Variants in USH2A observed in about 807,000 individuals in gnomAD.
The protein encoded by USH2A is usherin.
In USH2A, 443 loss-of-function variants were observed where a neutral mutation model predicts 538.9. That is an observed-to-expected ratio of 0.82 (90% CI 0.76 to 0.89). The LOEUF (loss-of-function observed/expected upper bound fraction) is 0.89, where lower values mean the gene tolerates loss of function less well. USH2A is among the 40% of genes least tolerant of loss of function. USH2A has a pLI of 0.00. For missense variants in USH2A, 6,633 were observed against 6,324.8 expected (o/e 1.05, Z -1.65); for synonymous variants, 2,413 against 2,273.5 (o/e 1.06, Z -1.75).
At position 215,680,175 on chromosome 1, in the gene USH2A, G is replaced by C; in HGVS notation, c.12268C>G (p.Pro4090Ala). The C allele has an allele frequency of 1.2e-6, 2 of 1,614,094 alleles. No homozygotes were observed. Among genetic ancestry groups the C allele is most frequent in the Non-Finnish European group, 1.7e-6 (2 of 1,179,992 alleles). Reference sequence around the variant, plus strand: ...TTAATCACACCATTGGTTCTCATAGGTTCTGACCACTGTAGTAGCAATGCC... The same window carrying C: ...TTAATCACACCATTGGTTCTCATAGCTTCTGACCACTGTAGTAGCAATGCC... ...GRALLLQWSE[P>A]MRTNGVIKTY... Residue 4090 changes from proline to alanine, a missense_variant, in exon 62 of 72, where the codon CCT (proline) becomes GCT (alanine). By Grantham distance (27) the Pro-to-Ala change is conservative (BLOSUM62 -1). Transcript: ENST00000307340.
intron 15 of USH2A, among the ~76,000 whole-genome samples, chr1:216,216,833 T>C (rs2035351425): frequency 6.6e-6 from 1 of 151,960 alleles, no homozygotes; most frequent in African/African-American, 2.4e-5. Context: ...AAACTTAAAG[T>C]AGAAAGAAAC....
At chr1:215,970,845 G>A (rs1667479186) in intron 35 of USH2A, 69 bp from the exon 36 acceptor site, 7 of 1,473,848 alleles carry the variant, frequency 4.7e-6, no homozygotes, top group Non-Finnish European at 2.8e-6. Flanking sequence ...AAGAAAGCAA[G>A]CACTCTTGAT....
chr1:215,912,503 ATATATATACG>A lies in USH2A; in HGVS notation c.7301-11608_7301-11599del, dbSNP rs1665830263. On this transcript the variant is annotated intron_variant, in intron 38 of 71. Transcript: ENST00000307340. ...TATATATATATATGTGTATATATAT[ATATATATACG>A]TGTATATATATATATATATATATGA... 8.2e-3 allele frequency among the ~76,000 whole-genome samples: 193 copies of A among 23,496 alleles called. 1 individual carries two copies. Among genetic ancestry groups the A allele is most frequent in the African/African-American group, 0.029 (189 of 6,432 alleles). The allele number at this position is 23,496 out of a possible 152,430, so 15.4% of individuals were successfully genotyped here.
chr1:216,296,038 A>C (rs560362518), intron 9 of USH2A, among the ~76,000 whole-genome samples: 33 of 152,172 alleles, frequency 2.2e-4, no homozygotes, highest in African/African-American at 7.5e-4. Flanking sequence ...ATAAAACATA[A>C]GAATGTAGTT....
In USH2A at chr1:215,779,799, G is replaced by A. The variant is rs56147129; in HGVS notation, c.10939+44C>T. 8,902 of 1,606,380 alleles carry A rather than the reference G, an allele frequency of 5.5e-3. 31 individuals are homozygous for A. Among genetic ancestry groups the A allele is most frequent in the Non-Finnish European group, 6.7e-3 (7,871 of 1,178,630 alleles). On this transcript the variant is annotated intron_variant, in intron 55 of 71. Transcript: ENST00000307340. ...GATGCTTTGCCCCCCTAACCACAAT[G>A]ACAGACTCCTCCAGTAGGATTTCCT...
intron 21 of USH2A, among the ~76,000 whole-genome samples, chr1:216,101,100 G>T (rs2032567470): frequency 6.6e-6 from 1 of 152,012 alleles, no homozygotes; most frequent in Non-Finnish European, 1.5e-5. Context: ...TGTCTTTTGT[G>T]CAAAATCTAT....
chr1:216,409,372 G>GA (rs1231310912), intron 3 of USH2A, among the ~76,000 whole-genome samples: 1 of 151,742 alleles, frequency 6.6e-6, no homozygotes, highest in Admixed American at 6.6e-5. Flanking sequence ...GGAATAACTA[G>GA]AAAAAAACTT....
chr1:215,998,978 A>T lies in USH2A; in HGVS notation c.6566T>A (p.Ile2189Asn). ...YMSNHTHDFT[I>N]WSVIYNSTEL... Reference sequence around the variant, plus strand: ...TGTACTGTTATAGATGACACTCCAAATTGTAAAATCATGTGTATGGTTTGA... The same window carrying T: ...TGTACTGTTATAGATGACACTCCAATTTGTAAAATCATGTGTATGGTTTGA... The change falls in exon 34 of 72, where the codon ATT becomes AAT. Residue 2189 changes from isoleucine to asparagine, a missense_variant. Transcript: ENST00000307340. 6.2e-7 allele frequency: 1 copy of T among 1,613,006 alleles called. No homozygotes were observed. Among genetic ancestry groups the T allele is most frequent in the Non-Finnish European group, 8.5e-7 (1 of 1,179,230 alleles).
At chr1:215,771,126 T>TG (rs374562540) in intron 55 of USH2A, among the ~76,000 whole-genome samples, 23 of 134,856 alleles carry the variant, frequency 1.7e-4, no homozygotes, top group Non-Finnish European at 1.8e-4. Context: ...CTAGACTGCC[T>TG]AAAAAAAAAA....
intron 32 of USH2A, among the ~76,000 whole-genome samples, chr1:216,034,607 G>A (rs1669202425): frequency 6.6e-6 from 1 of 152,048 alleles, no homozygotes; most frequent in Non-Finnish European, 1.5e-5. Flanking sequence ...TTAGAAGAAG[G>A]GAAAACACTA....
At chr1:215,632,431 T>C (rs1011203621) in intron 70 of USH2A, among the ~76,000 whole-genome samples, 12 of 152,062 alleles carry the variant, frequency 7.9e-5, no homozygotes, top group Non-Finnish European at 2.9e-5. Flanking sequence ...ATGATGGGAG[T>C]GTCTTCTGGT....
At chr1:216,006,992 G>A (rs1035407810) in intron 32 of USH2A, among the ~76,000 whole-genome samples, 2 of 152,162 alleles carry the variant, frequency 1.3e-5, no homozygotes, top group Non-Finnish European at 2.9e-5. Flanking sequence ...GAGGGACCCG[G>A]TGGGAGATAA....
Position 215,790,268 on chromosome 1 carries a change from C to T in USH2A, c.9973G>A (p.Gly3325Arg), listed in dbSNP as rs1661945857. 3 of 1,613,700 alleles carry T rather than the reference C, an allele frequency of 1.9e-6. No individual in the cohort carries two copies. The South Asian group carries it at 3.3e-5, about 18-fold the overall frequency. ...YNRLPGMFCC[G>R]QDYVNMSDTI... is the part of the protein sequence containing the mutation. ...TCTGACATATTCACATAATCCTGCC[C>T]ACAACAGAACATACCTGCAACAATA... The change falls in exon 51 of 72, where the codon GGG becomes AGG. Residue 3325 changes from glycine (G) to arginine (R), a missense_variant. Gly to Arg is a moderately radical substitution (Grantham distance 125). Transcript: ENST00000307340.
At chr1:215,634,154 T>G (rs1168947749) in intron 70 of USH2A, among the ~76,000 whole-genome samples, 2 of 152,198 alleles carry the variant, frequency 1.3e-5, no homozygotes, top group African/African-American at 4.8e-5. Context: ...TAGTTACACA[T>G]TAAAATCAGT....
At position 215,725,278 on chromosome 1, in the gene USH2A, G is replaced by A. The variant is rs532065307; in HGVS notation, c.12066+2752C>T. Among the ~76,000 whole-genome samples the A allele has an allele frequency of 2.6e-5, 4 of 152,312 alleles. No individual in the cohort carries two copies. The East Asian group carries it at 7.7e-4, about 29-fold the overall frequency. The stretch of plus-strand genomic sequence containing the variant: ...CCGCCTCAGCTTCCCAAAGTGCTGG[G>A]ATCACAGGCATGAGCCACTGCGTCT... On this transcript the variant is annotated intron_variant, in intron 61 of 71. Transcript: ENST00000307340.
intron 11 of USH2A, among the ~76,000 whole-genome samples, chr1:216,276,320 C>T (rs2036669848): frequency 6.6e-6 from 1 of 152,182 alleles, no homozygotes; most frequent in South Asian, 2.1e-4. Context: ...TAGCAATATG[C>T]CAATCTGTCT....
chr1:215,642,014 A>C (rs1656702389), intron 67 of USH2A, among the ~76,000 whole-genome samples: 1 of 152,228 alleles, frequency 6.6e-6, no homozygotes, highest in South Asian at 2.1e-4. Flanking sequence ...TTAGTTCAGT[A>C]GATTTTCACT....
intron 3 of USH2A, among the ~76,000 whole-genome samples, chr1:216,408,726 G>A (rs936084229): frequency 6.6e-6 from 1 of 152,118 alleles, no homozygotes; most frequent in Non-Finnish European, 1.5e-5. Flanking sequence ...ATTGCACTTT[G>A]GGGCCATTAA....
chr1:216,370,700 A>AAAAAAAAAAAAAAAAAAAAC, intron 3 of USH2A, among the ~76,000 whole-genome samples: 2 of 150,696 alleles, frequency 1.3e-5, no homozygotes, highest in African/African-American at 2.4e-5. Context: ...AAAAAAAAAA[A>AAAAAAAAAAAAAAAAAAAAC]AATACTCAAG....
Sources: gnomAD v4.1 joint callset for allele counts (sites outside exome capture counted in the v4.1 genomes callset) on GRCh38, gnomAD v4.1.1 for gene constraint, MANE v1.5 for transcripts, NCBI Gene and HGNC (gene_info 2026-07-23, HGNC 2026-07-21) for gene names.